Variants in SOS1 observed in about 807,000 individuals in gnomAD.
SOS1 encodes SOS Ras/Rac guanine nucleotide exchange factor 1.
Under a neutral mutation model 157.6 loss-of-function variants are expected in SOS1, and 25 were observed. That is an observed-to-expected ratio of 0.16 (90% CI 0.12 to 0.22). The LOEUF (loss-of-function observed/expected upper bound fraction) is 0.22, where lower values mean the gene tolerates loss of function less well. Among genes scored for constraint, SOS1 ranks in the 10% least tolerant of loss-of-function variants. The pLI is 1.00. For missense variants in SOS1, 1,237 were observed against 1,599.1 expected, an observed-to-expected ratio of 0.77 and a Z score of 3.86; for synonymous variants, 528 against 534.0, an observed-to-expected ratio of 0.99 and a Z score of 0.16.
At chr2:39,111,751 C>T (rs1381259681) in intron 1 of SOS1, among the ~76,000 whole-genome samples, 2 of 145,700 alleles carry the variant, frequency 1.4e-5, no homozygotes, top group Admixed American at 6.9e-5. Flanking sequence ...TTTTTTGAGA[C>T]GGAGTTTCGC....
intron 17 of SOS1, 49 bp from the exon 18 acceptor site, chr2:38,997,474 GT>G: frequency 2.3e-6 from 3 of 1,283,164 alleles, no homozygotes; most frequent in Non-Finnish European, 3.4e-6. Flanking sequence ...GAAAATGCAA[GT>G]TTTTTTCTGT....
At position 38,995,135 on chromosome 2, in the gene SOS1, G is replaced by C. The variant is rs999553936; in HGVS notation, c.3334C>G (p.Pro1112Ala). 1.2e-6 allele frequency: 2 copies of C among 1,613,852 alleles called. No homozygotes were observed. Among genetic ancestry groups the C allele is most frequent in the Non-Finnish European group, 1.7e-6 (2 of 1,179,882 alleles). The change falls in exon 20 of 23, where the codon CCT becomes GCT. Residue 1112 changes from proline (P) to alanine (A), a missense_variant. Physicochemically the swap from Pro to Ala is conservative, Grantham distance 27. Transcript: ENST00000402219. ...CSVFDSDHSS[P>A]FHSSNDTVFI... is the part of the protein sequence containing the mutation. ...TTTTTGCACCTACTTGAGTGAAAAGGGCTCGAATGATCGGAATCAAATACA... is the reference window on the plus strand; with the variant it reads ...TTTTTGCACCTACTTGAGTGAAAAGCGCTCGAATGATCGGAATCAAATACA...
At position 39,040,625 on chromosome 2, in the gene SOS1, A is replaced by C. The variant is rs575333832; in HGVS notation, c.865-5125T>G. Among the ~76,000 whole-genome samples the C allele has an allele frequency of 2.6e-5, 4 of 152,328 alleles. No individual in the cohort carries two copies. In the South Asian group the frequency reaches 8.3e-4, roughly 32 times the overall value. On this transcript the variant is annotated intron_variant, in intron 6 of 22. Coordinates refer to ENST00000402219, the MANE Select transcript of SOS1 (RefSeq NM_005633.4). ...TTATTTTATTAGCATAACGTTTCCAAGGTTCATCCATGTTGTAGCATGTAT... is the reference window on the plus strand; with the variant it reads ...TTATTTTATTAGCATAACGTTTCCACGGTTCATCCATGTTGTAGCATGTAT...
intron 1 of SOS1, among the ~76,000 whole-genome samples, chr2:39,102,436 T>C (rs971851480): frequency 2.5e-4 from 33 of 132,040 alleles, no homozygotes; most frequent in African/African-American, 9.7e-4. Context: ...TAGGTTGAGG[T>C]AGGAGGATCA....
chr2:38,995,025 A>G, intron 20 of SOS1, 98 bp downstream of exon 20: 1 of 966,432 alleles, frequency 1.0e-6, no homozygotes, highest in East Asian at 2.5e-5. Flanking sequence ...ACTTAACTAC[A>G]AGTTCACACA....
intron 13 of SOS1, 120 bp from the exon 14 acceptor site, chr2:39,012,468 A>G (rs896341811): frequency 7.9e-6 from 3 of 377,906 alleles, no homozygotes; most frequent in Admixed American, 8.8e-5. Context: ...AAAAAGTTCA[A>G]ATGATCAAAA....
In SOS1 at chr2:39,102,204, C is replaced by CAAAAAAAAAAAAAA. The variant is rs58865034; in HGVS notation, c.87+18118_87+18131dup. Among the ~76,000 whole-genome samples, 6 of 23,750 alleles carry CAAAAAAAAAAAAAA rather than the reference C, an allele frequency of 2.5e-4. 1 individual carries two copies. Among genetic ancestry groups the CAAAAAAAAAAAAAA allele is most frequent in the African/African-American group, 8.6e-4 (6 of 6,948 alleles). The allele number at this position is 23,750 out of a possible 152,430, so 15.6% of individuals were successfully genotyped here. A position where few individuals can be genotyped will look rare whatever the true frequency, so the allele number is the denominator to read the frequency against. ...CGGGTGACAGTGCGAGACTCTGTCT[C>CAAAAAAAAAAAAAA]AAAAAAAAAAAAAAAAAAAAAAAAA... On this transcript the variant is annotated intron_variant, in intron 1 of 22. Coordinates refer to ENST00000402219, the MANE Select transcript of SOS1 (RefSeq NM_005633.4).
chr2:39,094,572 G>T (rs1382738812), intron 1 of SOS1, among the ~76,000 whole-genome samples: 2 of 152,102 alleles, frequency 1.3e-5, no homozygotes, highest in African/African-American at 2.4e-5. Flanking sequence ...TTGAACCCGG[G>T]AGGCTGGGAG....
chr2:39,060,905 A>G (rs1320958334), intron 2 of SOS1, among the ~76,000 whole-genome samples: 2 of 151,870 alleles, frequency 1.3e-5, no homozygotes, highest in East Asian at 3.9e-4. Flanking sequence ...CAACCTAACA[A>G]TTAATTCTAA....
At chr2:39,019,481 C>G (rs1669727863) in intron 10 of SOS1, among the ~76,000 whole-genome samples, 1 of 151,738 alleles carries the variant, frequency 6.6e-6, no homozygotes, top group African/African-American at 2.4e-5. Flanking sequence ...TTAGAATGAT[C>G]CATCCAATTG....
intron 10 of SOS1, among the ~76,000 whole-genome samples, chr2:39,022,161 T>C (rs1669818352): frequency 6.6e-6 from 1 of 151,790 alleles, no homozygotes; most frequent in South Asian, 2.1e-4. Context: ...GCCGTGTATA[T>C]TTGTACTACC....
intron 2 of SOS1, among the ~76,000 whole-genome samples, chr2:39,062,902 T>C (rs960313931): frequency 6.6e-6 from 1 of 152,118 alleles, no homozygotes; most frequent in Non-Finnish European, 1.5e-5. Context: ...GAAGCAATTT[T>C]TATACTATCT....
chr2:39,039,349 C>G (rs1037856910), intron 6 of SOS1, among the ~76,000 whole-genome samples: 65 of 152,142 alleles, frequency 4.3e-4, no homozygotes, highest in Non-Finnish European at 2.9e-5. Context: ...AGCATGTAAA[C>G]TAGAAGGGGA....
chr2:39,072,067 AAAT>A (rs1365877197), intron 1 of SOS1, among the ~76,000 whole-genome samples: 1 of 152,214 alleles, frequency 6.6e-6, no homozygotes, highest in African/African-American at 2.4e-5. Context: ...TGAATCTATT[AAAT>A]ACTAGACCCT....
intron 1 of SOS1, among the ~76,000 whole-genome samples, chr2:39,068,723 T>A (rs1213834516): frequency 7.9e-5 from 12 of 152,232 alleles, no homozygotes; most frequent in Admixed American, 7.8e-4. Context: ...AAGTTTTACT[T>A]AAGAGTCCAC....
At chr2:38,988,554 A>G (rs184306312) in intron 21 of SOS1, among the ~76,000 whole-genome samples, 1,538 of 152,214 alleles carry the variant, frequency 0.01, 29 homozygotes, top group African/African-American at 0.034. Flanking sequence ...ATAGAACTTA[A>G]AAAGAGTACT....
chr2:39,110,239 C>T (rs897888089), intron 1 of SOS1, among the ~76,000 whole-genome samples: 2 of 152,122 alleles, frequency 1.3e-5, no homozygotes, highest in African/African-American at 2.4e-5. Flanking sequence ...CTTAAATCAT[C>T]TCCAGATTAC....
intron 15 of SOS1, among the ~76,000 whole-genome samples, chr2:39,009,532 G>C (rs1314681081): frequency 6.6e-6 from 1 of 152,092 alleles, no homozygotes; most frequent in East Asian, 1.9e-4. Flanking sequence ...TTAAACAACT[G>C]TATAAAATAA....
chr2:39,008,654 T>C (rs1323117655), intron 15 of SOS1, among the ~76,000 whole-genome samples: 1 of 152,202 alleles, frequency 6.6e-6, no homozygotes, highest in Non-Finnish European at 1.5e-5. Context: ...AAACCATTCC[T>C]TCAAAGGAGC....
Sources: gnomAD v4.1 joint callset for allele counts (sites outside exome capture counted in the v4.1 genomes callset) on GRCh38, gnomAD v4.1.1 for gene constraint, MANE v1.5 for transcripts, NCBI Gene and HGNC (gene_info 2026-07-23, HGNC 2026-07-21) for gene names.